Variants in SVEP1 observed in about 807,000 individuals in gnomAD.
SVEP1 encodes sushi, von Willebrand factor type A, EGF and pentraxin domain-containing protein 1.
Under a neutral mutation model 367.3 loss-of-function variants are expected in SVEP1, and 164 were observed. The ratio of observed to expected loss-of-function variants is 0.45; its 90% CI spans 0.39 to 0.51. The LOEUF is 0.51. Ranked by LOEUF, SVEP1 falls within the 20% of genes least tolerant of loss-of-function variation. The pLI is 0.00. For missense variants in SVEP1, 4,117 were observed against 4,425.3 expected (o/e 0.93, Z 1.98); for synonymous variants, 1,666 against 1,611.6 (o/e 1.03, Z -0.81).
chr9:110,512,676 G>T, intron 5 of SVEP1: 1 of 513,890 alleles, frequency 1.9e-6, no homozygotes, highest in Admixed American at 3.2e-5. Context: ...GGGGTAACCT[G>T]TCCATTTACT....
intron 46 of SVEP1, among the ~76,000 whole-genome samples, chr9:110,372,484 C>T (rs1564121292): frequency 1.3e-5 from 2 of 152,128 alleles, no homozygotes; most frequent in Admixed American, 6.5e-5. Context: ...TCATTAGGAG[C>T]ATATTCTTAT....
At chr9:110,495,244 C>T (rs9657653) in intron 8 of SVEP1, among the ~76,000 whole-genome samples, 1 of 152,056 alleles carries the variant, frequency 6.6e-6, no homozygotes, top group Non-Finnish European at 1.5e-5. Flanking sequence ...AACGGCCCCC[C>T]CAAAGATCAT....
In SVEP1 at chr9:110,375,430, C is replaced by A; in HGVS notation, c.10538G>T (p.Arg3513Leu). 6.6e-7 allele frequency: 1 copy of A among 1,510,700 alleles called. No individual in the cohort carries two copies. Among genetic ancestry groups the A allele is most frequent in the Non-Finnish European group, 8.9e-7 (1 of 1,126,728 alleles). The allele number at this position is 1,510,700 out of a possible 1,614,324, so 93.6% of individuals were successfully genotyped here. The change falls in exon 46 of 48, where the codon CGC becomes CTC. Residue 3513 changes from arginine to leucine, a missense_variant. Physicochemically the swap from Arg to Leu is moderately radical, Grantham distance 102. Around this residue, in one of 4 missense-constraint regions of SVEP1, gnomAD observed 1,765 missense variants for 1,781.1 expected, o/e 0.99. Transcript: ENST00000374469. ...ICILPCLNGG[R>L]CVAPYQCDCP... ...GTCACACTGGTAAGGGGCCACACAG[C>A]GACCTCCGTTCAGACAGGGAAGAAT... is the stretch of plus-strand genomic sequence containing the variant.
chr9:110,536,607 C>T (rs979210642), intron 3 of SVEP1, among the ~76,000 whole-genome samples: 9 of 151,796 alleles, frequency 5.9e-5, no homozygotes, highest in Admixed American at 1.3e-4. Context: ...TACATTGCCC[C>T]GAGGTGAAAA....
At chr9:110,501,194 T>C (rs1413181415) in intron 6 of SVEP1, among the ~76,000 whole-genome samples, 2 of 148,806 alleles carry the variant, frequency 1.3e-5, no homozygotes, top group African/African-American at 2.4e-5. Context: ...TATAAATACA[T>C]AATTTGGAAA....
chr9:110,436,259 G>C, intron 28 of SVEP1, 121 bp downstream of exon 28: 1 of 1,266,866 alleles, frequency 7.9e-7, no homozygotes, highest in South Asian at 1.9e-5. Flanking sequence ...AAATGATACT[G>C]GTGATAAATT....
chr9:110,408,503 G>T lies in SVEP1; in HGVS notation c.7097C>A (p.Ser2366Tyr), dbSNP rs546056831. Reference protein sequence around the residue: ...QGPSVLKCLPSQQWNDSFPVC... With the variant: ...QGPSVLKCLPYQQWNDSFPVC... ...AGGGAAAGAGTCATTCCATTGCTGGGATGGCAAGCATTTCAGGACAGAGGG... is the reference window on the plus strand; with the variant it reads ...AGGGAAAGAGTCATTCCATTGCTGGTATGGCAAGCATTTCAGGACAGAGGG... Residue 2366 changes from serine to tyrosine, a missense_variant, in exon 38 of 48, where the codon TCC (serine) becomes TAC (tyrosine). Physicochemically the swap from Ser to Tyr is moderately radical, Grantham distance 144. Around this residue, in one of 4 missense-constraint regions of SVEP1, gnomAD observed 1,765 missense variants for 1,781.1 expected, o/e 0.99. Transcript: ENST00000374469. 1.2e-5 allele frequency: 20 copies of T among 1,613,814 alleles called. No individual in the cohort carries two copies. The South Asian group carries it at 2.0e-4, about 16-fold the overall frequency.
chr9:110,488,189 T>A (rs940339233), intron 9 of SVEP1, among the ~76,000 whole-genome samples: 2 of 152,136 alleles, frequency 1.3e-5, no homozygotes, highest in Non-Finnish European at 2.9e-5. Context: ...GCTAGGTGGT[T>A]GGCTGTGTCC....
intron 29 of SVEP1, among the ~76,000 whole-genome samples, chr9:110,434,788 A>T (rs1482442245): frequency 6.6e-6 from 1 of 151,924 alleles, no homozygotes; most frequent in Non-Finnish European, 1.5e-5. Flanking sequence ...ACAGTCTAAG[A>T]AACTCATTTA....
At chr9:110,502,768 C>A (rs1476137675) in intron 6 of SVEP1, among the ~76,000 whole-genome samples, 1 of 152,072 alleles carries the variant, frequency 6.6e-6, no homozygotes, top group Non-Finnish European at 1.5e-5. Flanking sequence ...AAATTGGCCT[C>A]AATTAAAACT....
At chr9:110,478,842 T>C (rs2118692266) in intron 13 of SVEP1, among the ~76,000 whole-genome samples, 1 of 152,226 alleles carries the variant, frequency 6.6e-6, no homozygotes, top group South Asian at 2.1e-4. Context: ...CTGCAGGGCA[T>C]ACAAATATGT....
chr9:110,579,336 G>T lies in SVEP1; in HGVS notation c.208C>A (p.Arg70=). 6.4e-7 allele frequency: 1 copy of T among 1,555,412 alleles called. No homozygotes were observed. The highest frequency in any genetic ancestry group is 8.7e-7 in the Non-Finnish European group (1 of 1,151,056). ...RVERLGQAFR[R]RVRLLRELSE... ...AGCTCCCGCAGCAGCCGCACGCGTCGCCGGAACGCCTGGCCCAGCCGCTCC... is the reference window on the plus strand; with the variant it reads ...AGCTCCCGCAGCAGCCGCACGCGTCTCCGGAACGCCTGGCCCAGCCGCTCC... Residue 70 remains arginine (R), a synonymous_variant, in exon 1 of 48, where the codon CGA becomes AGA. Transcript: ENST00000374469. This position sits in a 1 kb window ranked among gnomAD's most constrained non-coding sequence, Gnocchi z 5.3.
rs894769524 is a variant in SVEP1, at chr9:110,579,610, G to A, written c.-67C>T. On this transcript the variant is annotated 5_prime_UTR_variant, in exon 1 of 48. Coordinates refer to ENST00000374469, the MANE Select transcript of SVEP1 (RefSeq NM_153366.4). This position sits in a 1 kb window ranked among gnomAD's most constrained non-coding sequence, Gnocchi z 5.3. ...GCTCGGGCGGGAAGAGGCGCTGGGCGGCCGGACTCGCAGAGGGGCGTGCGC... is the reference window on the plus strand; with the variant it reads ...GCTCGGGCGGGAAGAGGCGCTGGGCAGCCGGACTCGCAGAGGGGCGTGCGC... The A allele has an allele frequency of 2.7e-6, 4 of 1,460,618 alleles. No homozygotes were observed. Among genetic ancestry groups the A allele is most frequent in the Admixed American group, 2.7e-5 (1 of 37,546 alleles). 90.5% of individuals were successfully genotyped at this position (1,460,618 alleles called of 1,614,324 possible). A position where few individuals can be genotyped will look rare whatever the true frequency, so the allele number is the denominator to read the frequency against.
chr9:110,525,767 T>A lies in SVEP1; in HGVS notation c.965-11661A>T, dbSNP rs537890133. Among the ~76,000 whole-genome samples the A allele has an allele frequency of 8.9e-3, 1,355 of 151,964 alleles. 23 individuals carry two copies. Among genetic ancestry groups the A allele is most frequent in the African/African-American group, 0.031 (1,296 of 41,506 alleles). ...GCTACACTAATGTGCCTGGCTGATTTTTTTTTTTTACTTTTTTAAAAAAAT... is the reference window on the plus strand; with the variant it reads ...GCTACACTAATGTGCCTGGCTGATTATTTTTTTTTACTTTTTTAAAAAAAT... On this transcript the variant is annotated intron_variant, in intron 3 of 47. Coordinates refer to ENST00000374469, the MANE Select transcript of SVEP1 (RefSeq NM_153366.4).
rs546936002 is a variant in SVEP1 at position 110,441,806 on chromosome 9, C to G, written c.4639+1739G>C. Among the ~76,000 whole-genome samples, 18 of 152,292 alleles carry G rather than the reference C, an allele frequency of 1.2e-4. No individual in the cohort carries two copies. In the East Asian group the frequency reaches 2.1e-3, roughly 18 times the overall value. ...TGTTGTTTAGGAATTTTCACATACA[C>G]CCTATTACTTCTTTCTGCTCGTGAC... On this transcript the variant is annotated intron_variant, in intron 27 of 47. Coordinates refer to ENST00000374469, the MANE Select transcript of SVEP1 (RefSeq NM_153366.4).
At chr9:110,447,754 G>C (rs1406851523) in intron 24 of SVEP1, among the ~76,000 whole-genome samples, 2 of 152,180 alleles carry the variant, frequency 1.3e-5, no homozygotes, top group East Asian at 3.8e-4. Context: ...TCTGCTCTAG[G>C]AGATAATTGC....
chr9:110,460,448 G>A (rs1254847199), intron 18 of SVEP1, among the ~76,000 whole-genome samples: 2 of 152,142 alleles, frequency 1.3e-5, no homozygotes. Flanking sequence ...TTGCCTACAT[G>A]ATCTTTATAA....
intron 40 of SVEP1, among the ~76,000 whole-genome samples, chr9:110,392,508 T>A (rs993103047): frequency 1.3e-5 from 2 of 152,190 alleles, no homozygotes; most frequent in Non-Finnish European, 2.9e-5. Flanking sequence ...GTCTCCATTT[T>A]TTGTGACTTC....
intron 1 of SVEP1, among the ~76,000 whole-genome samples, chr9:110,561,672 C>T (rs1830429283): frequency 1.3e-5 from 2 of 152,002 alleles, no homozygotes; most frequent in African/African-American, 4.8e-5. Flanking sequence ...TAGGGATTTA[C>T]CAATTGTATT....
Sources: gnomAD v4.1 joint callset for allele counts (sites outside exome capture counted in the v4.1 genomes callset) on GRCh38, gnomAD v4.1.1 for gene constraint, gnomAD v4.1.1 regional missense constraint, Gnocchi (gnomAD v3.1) non-coding constraint, MANE v1.5 for transcripts, NCBI Gene and HGNC (gene_info 2026-07-23, HGNC 2026-07-21) for gene names.